Variants in CROT observed in about 807,000 individuals in gnomAD.
The protein encoded by CROT is peroxisomal carnitine O-octanoyltransferase.
Under a neutral mutation model 89.2 loss-of-function variants are expected in CROT, and 84 were observed. The observed-to-expected ratio is 0.94, with a 90% CI of 0.79 to 1.13. CROT has a LOEUF of 1.13. CROT is among the 50% of genes most tolerant of loss of function. The pLI, the probability that CROT is intolerant of heterozygous loss-of-function variation, is 0.00. For missense variants in CROT, 711 were observed against 727.8 expected (o/e 0.98, Z 0.27); for synonymous variants, 212 against 239.5 (o/e 0.89, Z 1.06).
In CROT at chr7:87,393,038, T is replaced by C. The variant is rs774668453; in HGVS notation, c.1689T>C (p.Tyr563=). The C allele has an allele frequency of 3.0e-5, 49 of 1,613,456 alleles. No individual in the cohort carries two copies. Among genetic ancestry groups the C allele is most frequent in the Non-Finnish European group, 3.4e-6 (4 of 1,179,598 alleles). The part of the protein sequence containing the change: ...GVVVPMVHNG[Y]GFFYHIRDDR... ...TAGTTCCCATGGTACACAATGGTTATGGATTTTTCTACCATATCAGAGATG... is the reference window on the plus strand; with the variant it reads ...TAGTTCCCATGGTACACAATGGTTACGGATTTTTCTACCATATCAGAGATG... The change falls in exon 17 of 18, where the codon TAT becomes TAC. Residue 563 remains tyrosine, a synonymous_variant. Transcript: ENST00000331536.
At chr7:87,394,528 A>G (rs1226429028) in intron 17 of CROT, among the ~76,000 whole-genome samples, 6 of 147,482 alleles carry the variant, frequency 4.1e-5, no homozygotes, top group African/African-American at 1.0e-4. Context: ...TCATTTCAAC[A>G]TAAATAAATC....
chr7:87,391,664 A>T lies in CROT; in HGVS notation c.1377A>T (p.Thr459=). 6.2e-7 allele frequency: 1 copy of T among 1,612,062 alleles called. No individual in the cohort carries two copies. Among genetic ancestry groups the T allele is most frequent in the Non-Finnish European group, 8.5e-7 (1 of 1,179,262 alleles). ...GTACAGAGACTATGCGATCATGCAC[A>T]GTTGAAGCAGTGAGGTGGTGCCAGT... The part of the protein sequence containing the change: ...HGRTETMRSC[T]VEAVRWCQSM... Residue 459 remains threonine, a synonymous_variant, in exon 14 of 18, where the codon ACA becomes ACT. Coordinates refer to ENST00000331536, the MANE Select transcript of CROT (RefSeq NM_021151.4).
intron 6 of CROT, among the ~76,000 whole-genome samples, chr7:87,366,298 T>G (rs1806446962): frequency 6.6e-6 from 1 of 152,142 alleles, no homozygotes; most frequent in Non-Finnish European, 1.5e-5. Context: ...TGGTATCCTT[T>G]TTGTTTCCCT....
intron 13 of CROT, among the ~76,000 whole-genome samples, chr7:87,386,385 A>G (rs961374024): frequency 2.6e-5 from 4 of 152,020 alleles, no homozygotes; most frequent in East Asian, 3.9e-4. Flanking sequence ...TTATGTTTCA[A>G]TCTCAGGTTG....
intron 3 of CROT, among the ~76,000 whole-genome samples, chr7:87,355,438 C>G (rs1806033258): frequency 6.6e-6 from 1 of 152,150 alleles, no homozygotes. Context: ...CTTCACATCT[C>G]TCTCTCCCTA....
rs372183838 is a variant in CROT, at chr7:87,369,418, G to A, written c.590G>A (p.Arg197Gln). The change falls in exon 7 of 18, where the codon CGA (arginine) becomes CAA (glutamine). Residue 197 changes from arginine (R) to glutamine (Q), a missense_variant. Transcript: ENST00000331536. ...CCAAACCACATTGTAGTGCTGTGTC[G>A]AGGCCGAGCTTTTGTCTTTGATGTA... ...RSPNHIVVLC[R>Q]GRAFVFDVIH... 147 of 1,612,940 alleles carry A rather than the reference G, an allele frequency of 9.1e-5. No homozygotes were observed. Among genetic ancestry groups the A allele is most frequent in the Middle Eastern group, 1.6e-4 (1 of 6,078 alleles).
chr7:87,391,206 C>G (rs1348295358), intron 13 of CROT, among the ~76,000 whole-genome samples: 1 of 152,242 alleles, frequency 6.6e-6, no homozygotes, highest in Admixed American at 6.5e-5. Context: ...AGAGAGCTCT[C>G]TTTGTAACCT....
At chr7:87,377,588 A>G (rs1216674338) in intron 10 of CROT, 138 bp downstream of exon 10, 3 of 577,492 alleles carry the variant, frequency 5.2e-6, no homozygotes, top group East Asian at 5.8e-5. Context: ...AAGTTTAGTT[A>G]TGAATTCTCA....
At chr7:87,373,748 A>G (rs1371649356) in intron 7 of CROT, among the ~76,000 whole-genome samples, 1 of 152,066 alleles carries the variant, frequency 6.6e-6, no homozygotes, top group Non-Finnish European at 1.5e-5. Flanking sequence ...AGACGAGATT[A>G]CCAAGGGAGA....
chr7:87,385,018 T>G (rs769837080), intron 13 of CROT, among the ~76,000 whole-genome samples: 1 of 152,164 alleles, frequency 6.6e-6, no homozygotes. Flanking sequence ...ACGGATTTAT[T>G]TCTGGGTTCT....
chr7:87,382,366 T>C (rs1807039169), intron 12 of CROT, 47 bp from the exon 13 acceptor site: 1 of 1,590,414 alleles, frequency 6.3e-7, no homozygotes, highest in Non-Finnish European at 8.6e-7. Flanking sequence ...TTTGGTGTAT[T>C]CTCCTTAGGT....
At chr7:87,389,717 C>A (rs1427750473) in intron 13 of CROT, among the ~76,000 whole-genome samples, 2 of 152,048 alleles carry the variant, frequency 1.3e-5, no homozygotes, top group African/African-American at 4.8e-5. Context: ...CACATGTATA[C>A]CTATGTAATA....
intron 7 of CROT, among the ~76,000 whole-genome samples, chr7:87,373,940 T>C (rs1436164135): frequency 1.7e-4 from 26 of 152,058 alleles, no homozygotes; most frequent in Admixed American, 1.7e-3. Flanking sequence ...GTGTCAAACA[T>C]TCTATAATGA....
intron 13 of CROT, among the ~76,000 whole-genome samples, chr7:87,383,254 A>G (rs1369068633): frequency 6.6e-6 from 1 of 151,858 alleles, no homozygotes; most frequent in Non-Finnish European, 1.5e-5. Context: ...CTTCTCTTCA[A>G]TCTCCTCTCC....
chr7:87,384,946 A>T (rs1188715984), intron 13 of CROT, among the ~76,000 whole-genome samples: 12 of 152,138 alleles, frequency 7.9e-5, no homozygotes, highest in Admixed American at 7.9e-4. Flanking sequence ...TCCAGTTTTC[A>T]TGGAGCCATT....
intron 9 of CROT, among the ~76,000 whole-genome samples, chr7:87,376,718 C>T (rs77463367): frequency 6.6e-6 from 1 of 150,968 alleles, no homozygotes; most frequent in Admixed American, 6.6e-5. Context: ...TTTTTGACCA[C>T]AATTTTTAGT....
intron 6 of CROT, among the ~76,000 whole-genome samples, chr7:87,362,657 C>T (rs1420101953): frequency 6.6e-6 from 1 of 151,758 alleles, no homozygotes; most frequent in East Asian, 1.9e-4. Flanking sequence ...TTTTTTTAAA[C>T]TGGCAGTTTA....
In CROT at chr7:87,345,762, G is replaced by C. The variant is rs1355957169; in HGVS notation, c.-118G>C. 9.8e-6 allele frequency: 3 copies of C among 304,804 alleles called. No individual in the cohort carries two copies. Among genetic ancestry groups the C allele is most frequent in the Non-Finnish European group, 1.8e-5 (3 of 167,180 alleles). 18.9% of individuals were successfully genotyped at this position (304,804 alleles called of 1,614,324 possible). On this transcript the variant is annotated 5_prime_UTR_variant, in exon 1 of 18. Coordinates refer to ENST00000331536, the MANE Select transcript of CROT (RefSeq NM_021151.4). ...GCGGCGAGGCGCGGGCGGTGAGGAC[G>C]GACAGGTCCGTTGAAGCAGCATTCC...
Position 87,375,872 on chromosome 7 carries a change from GT to G in CROT, c.797del (p.Leu266Ter). The stretch of plus-strand genomic sequence containing the variant: ...GTCTTGATCCAGAGAACTTGGCTTT[GT>G]TAGAAAAAATTCAGAGTAGTTTACT... ...IGLDPENLALLEKIQSSLLVY... is the reference protein window; with the variant it reads ...IGLDPENLALXEKIQSSLLVY... On this transcript the variant is annotated frameshift_variant, in exon 9 of 18. Transcript: ENST00000331536. LOFTEE classifies it high-confidence loss of function. The G allele has an allele frequency of 6.2e-7, 1 of 1,613,434 alleles. No homozygotes were observed. Among genetic ancestry groups the G allele is most frequent in the Non-Finnish European group, 8.5e-7 (1 of 1,179,542 alleles).
Sources: allele counts gnomAD v4.1 joint callset (sites outside exome capture counted in the v4.1 genomes callset), GRCh38; gene constraint gnomAD v4.1.1; transcripts MANE v1.5; gene names NCBI Gene and HGNC (gene_info 2026-07-23, HGNC 2026-07-21).